IGF2R: variants seen among roughly 807,000 people sequenced by gnomAD.
IGF2R encodes the protein cation-independent mannose-6-phosphate receptor.
In IGF2R, 91 loss-of-function variants were observed where a neutral mutation model predicts 270.6. The observed-to-expected ratio is 0.34, with a 90% CI of 0.28 to 0.40. The LOEUF is 0.40. Among genes scored for constraint, IGF2R ranks in the 10% least tolerant of loss-of-function variants. IGF2R has a pLI of 1.00. For synonymous variants in IGF2R, 1,316 were observed against 1,258.9 expected, an observed-to-expected ratio of 1.05 and a Z score of -0.96; for missense variants, 2,805 against 3,188.3, an observed-to-expected ratio of 0.88 and a Z score of 2.90.
chr6:160,099,340 T>TGTTAC (rs2114740698), intron 45 of IGF2R, among the ~76,000 whole-genome samples: 1 of 144,330 alleles, frequency 6.9e-6, no homozygotes, highest in Non-Finnish European at 1.5e-5. Context: ...CTTTATGTTA[T>TGTTAC]GTTATGTTAT....
intron 1 of IGF2R, among the ~76,000 whole-genome samples, chr6:159,980,203 GAAA>G (rs1783765011): frequency 2.6e-5 from 2 of 76,964 alleles, no homozygotes; most frequent in Admixed American, 1.4e-4. Flanking sequence ...AAGAAAGAAA[GAAA>G]GAAAGAAAGA....
intron 1 of IGF2R, among the ~76,000 whole-genome samples, chr6:159,978,389 G>A (rs1252925566): frequency 6.6e-6 from 1 of 152,088 alleles, no homozygotes; most frequent in East Asian, 1.9e-4. Context: ...TGCATGTGGT[G>A]GCTTGGTCCC....
chr6:159,980,183 A>AAAAGAAAGAAAGAAAGAAAGAAGG (rs1783761066), intron 1 of IGF2R, among the ~76,000 whole-genome samples: 1 of 121,876 alleles, frequency 8.2e-6, no homozygotes, highest in African/African-American at 3.4e-5. Flanking sequence ...TCCGTCTCAA[A>AAAAGAAAGAAAGAAAGAAAGAAGG]AAAGAAAGAA....
At chr6:160,073,523 C>T (rs759813841) in intron 34 of IGF2R, 54 bp downstream of exon 34, 594 of 1,588,356 alleles carry the variant, frequency 3.7e-4, no homozygotes, top group Non-Finnish European at 4.7e-4. Flanking sequence ...TGGCTGCACC[C>T]GGGCCCCTTC....
intron 4 of IGF2R, among the ~76,000 whole-genome samples, 182 bp downstream of exon 4, chr6:160,010,967 G>A (rs1439779826): frequency 6.6e-6 from 1 of 152,084 alleles, no homozygotes; most frequent in East Asian, 1.9e-4. Flanking sequence ...TTTAGGACAG[G>A]GCATTTAAAA....
At position 160,108,330 on chromosome 6, in the gene IGF2R, G is replaced by A. The variant is rs1779667735; in HGVS notation, c.*3246G>A. ...AGCCACATTGAGTTGGGGACAGTAT[G>A]GCCTGGGGGTGTTGGATAGGTAAGG... On this transcript the variant is annotated 3_prime_UTR_variant, in exon 48 of 48. Transcript: ENST00000356956. 1 of 152,530 alleles carries A rather than the reference G, an allele frequency of 6.6e-6. No homozygotes were observed. The highest frequency in any genetic ancestry group is 2.4e-5 in the African/African-American group (1 of 41,458). The allele number at this position is 152,530 out of a possible 1,614,324, so 9.4% of individuals were successfully genotyped here. A position where few individuals can be genotyped will look rare whatever the true frequency, so the allele number is the denominator to read the frequency against.
intron 4 of IGF2R, among the ~76,000 whole-genome samples, chr6:160,023,136 G>A (rs1385194348): frequency 6.6e-6 from 1 of 152,126 alleles, no homozygotes; most frequent in Non-Finnish European, 1.5e-5. Context: ...AGCTGGAATT[G>A]GGGGGCCAGT....
intron 14 of IGF2R, among the ~76,000 whole-genome samples, chr6:160,046,167 C>CT (rs1480403996): frequency 6.6e-6 from 1 of 152,200 alleles, no homozygotes; most frequent in Non-Finnish European, 1.5e-5. Context: ...AGAAACCTCT[C>CT]TGAGGGAGAC....
rs527649326 is a variant in IGF2R, at chr6:160,049,381, C to T, written c.2514+838C>T. ...GGAACGAGTGTAGTGGCCCAATGTG[C>T]ATAGTACCCGACAAGCCTGTTCCTG... On this transcript the variant is annotated intron_variant, in intron 18 of 47. Coordinates refer to ENST00000356956, the MANE Select transcript of IGF2R (RefSeq NM_000876.4). 6.8e-4 allele frequency among the ~76,000 whole-genome samples: 104 copies of T among 152,302 alleles called. 1 individual carries two copies. The highest frequency in any genetic ancestry group is 1.2e-3 in the Non-Finnish European group (79 of 68,028).
At position 160,102,023 on chromosome 6, in the gene IGF2R, C is replaced by T. The variant is rs1259525465; in HGVS notation, c.6843-496C>T. Among the ~76,000 whole-genome samples the T allele has an allele frequency of 6.6e-6, 1 of 152,152 alleles. No homozygotes were observed. Among genetic ancestry groups the T allele is most frequent in the East Asian group, 1.9e-4 (1 of 5,176 alleles). On this transcript the variant is annotated intron_variant, in intron 45 of 47. Coordinates refer to ENST00000356956, the MANE Select transcript of IGF2R (RefSeq NM_000876.4). This position sits in a 1 kb window ranked among gnomAD's most constrained non-coding sequence, Gnocchi z 4.5. ...GGCCCCACCCTGGTCTGTGGCCGCC[C>T]CTGGGCCCCGTCCTGGCCTGTTTCT...
chr6:160,020,782 A>G (rs774196671), intron 4 of IGF2R, among the ~76,000 whole-genome samples: 22 of 152,216 alleles, frequency 1.4e-4, no homozygotes, highest in Admixed American at 2.6e-4. Flanking sequence ...CTTACCACAT[A>G]TAAAAATTAA....
intron 19 of IGF2R, among the ~76,000 whole-genome samples, chr6:160,053,948 G>A (rs1778252867): frequency 6.6e-6 from 1 of 152,170 alleles, no homozygotes; most frequent in South Asian, 2.1e-4. Context: ...AGAACTCCTA[G>A]GTTCAAGCAG....
At chr6:160,087,047 G>A (rs1347918095) in intron 41 of IGF2R, among the ~76,000 whole-genome samples, 3 of 152,120 alleles carry the variant, frequency 2.0e-5, no homozygotes, top group Non-Finnish European at 2.9e-5. Flanking sequence ...GGAACCTGGC[G>A]GCCATGCTGC....
chr6:160,046,358 G>A (rs554194581), intron 14 of IGF2R, 140 bp from the exon 15 acceptor site: 42 of 737,256 alleles, frequency 5.7e-5, no homozygotes, highest in African/African-American at 4.4e-4. Context: ...AAGGGGCAGC[G>A]TCTCTTCTGC....
At chr6:160,083,192 A>G (rs780063920) in intron 39 of IGF2R, among the ~76,000 whole-genome samples, 1 of 152,228 alleles carries the variant, frequency 6.6e-6, no homozygotes, top group African/African-American at 2.4e-5. Flanking sequence ...AAAAGAATCT[A>G]TATCATAATT....
intron 36 of IGF2R, 115 bp downstream of exon 36, chr6:160,076,111 T>C: frequency 9.9e-7 from 1 of 1,005,506 alleles, no homozygotes; most frequent in Non-Finnish European, 1.5e-6. Flanking sequence ...ATGTCTGCCT[T>C]GGGTAAGATG....
rs1779635655 is a variant in IGF2R at position 160,107,013 on chromosome 6, T to C, written c.*1929T>C. The C allele has an allele frequency of 6.6e-6, 1 of 152,192 alleles. No homozygotes were observed. Among genetic ancestry groups the C allele is most frequent in the Non-Finnish European group, 1.5e-5 (1 of 68,030 alleles). 9.4% of individuals were successfully genotyped at this position (152,192 alleles called of 1,614,324 possible). ...AGTGTTATAAACAAACTTCTTAGAC[T>C]CAACATCCTATTCTCCATCCCTTTT... is the stretch of plus-strand genomic sequence containing the variant. On this transcript the variant is annotated 3_prime_UTR_variant, in exon 48 of 48. Transcript: ENST00000356956.
chr6:160,044,343 C>T (rs1273138996), intron 12 of IGF2R, among the ~76,000 whole-genome samples, 171 bp from the exon 13 acceptor site: 1 of 152,182 alleles, frequency 6.6e-6, no homozygotes, highest in Non-Finnish European at 1.5e-5. Context: ...CTAGGGAAAC[C>T]CATCCGCTGC....
At position 160,059,160 on chromosome 6, in the gene IGF2R, A is replaced by G. The variant is rs1341517426; in HGVS notation, c.3091+62A>G. The G allele has an allele frequency of 5.0e-6, 7 of 1,408,756 alleles. No homozygotes were observed. The East Asian group carries it at 6.9e-5, about 14-fold the overall frequency. 87.3% of individuals were successfully genotyped at this position (1,408,756 alleles called of 1,614,324 possible). ...GGCCCTGGTGGCTCTGTGGCTGGCC[A>G]TGCACCTTCCTGAGTGTAGGATGTG... On this transcript the variant is annotated intron_variant, in intron 22 of 47. Transcript: ENST00000356956.
Sources: gnomAD v4.1 joint callset for allele counts (sites outside exome capture counted in the v4.1 genomes callset) on GRCh38, gnomAD v4.1.1 for gene constraint, Gnocchi (gnomAD v3.1) non-coding constraint, MANE v1.5 for transcripts, NCBI Gene and HGNC (gene_info 2026-07-23, HGNC 2026-07-21) for gene names.